The following PDCL2 variants were observed in gnomAD, a reference collection of about 807,000 sequenced individuals.
PDCL2 encodes the protein phosducin-like protein 2.
A neutral mutation model predicts 30.3 loss-of-function variants in PDCL2; 23 were observed. The observed-to-expected ratio is 0.76, with a 90% CI of 0.55 to 1.08. PDCL2 has a LOEUF of 1.08. Among genes scored for constraint, PDCL2 ranks in the 50% least tolerant of loss-of-function variants. The probability of loss-of-function intolerance (pLI) is 0.00; values close to 1 mark genes in which losing one functional copy is unlikely to be tolerated. For missense variants in PDCL2, 243 were observed against 282.3 expected (o/e 0.86, Z 1.00); for synonymous variants, 68 against 86.2 (o/e 0.79, Z 1.17).
intron 3 of PDCL2, among the ~76,000 whole-genome samples, chr4:55,572,285 C>CT (rs1732446365): frequency 2.0e-5 from 3 of 152,070 alleles, no homozygotes; most frequent in Admixed American, 1.3e-4. Flanking sequence ...GAATTAAATG[C>CT]TTTATCAACC....
intron 5 of PDCL2, among the ~76,000 whole-genome samples, chr4:55,558,791 T>C (rs1008024691): frequency 3.9e-5 from 6 of 152,220 alleles, no homozygotes; most frequent in African/African-American, 1.4e-4. Flanking sequence ...ATAACTTTTA[T>C]CTGACAATTG....
At chr4:55,590,196 C>CAAAAAAA (rs1221085369) in intron 1 of PDCL2, among the ~76,000 whole-genome samples, 2 of 37,094 alleles carry the variant, frequency 5.4e-5, no homozygotes, top group Admixed American at 5.1e-4. Context: ...GGCTCTGTCT[C>CAAAAAAA]AAAAAAAAAA....
At position 55,587,088 on chromosome 4, in the gene PDCL2, A is replaced by G. The variant is rs182596919; in HGVS notation, c.7-4851T>C. Among the ~76,000 whole-genome samples the G allele has an allele frequency of 3.3e-3, 496 of 152,002 alleles. 2 individuals are homozygous for G. The highest frequency in any genetic ancestry group is 0.011 in the African/African-American group (456 of 41,354). ...CACTGTTCTGGAGGCTGGGAAATCT[A>G]AGATTATGGCACTGTCAAGTTCATT... On this transcript the variant is annotated intron_variant, in intron 1 of 5. Transcript: ENST00000295645.
chr4:55,562,326 G>T, intron 5 of PDCL2, 78 bp downstream of exon 5: 1 of 993,680 alleles, frequency 1.0e-6, no homozygotes, highest in Non-Finnish European at 1.4e-6. Context: ...TGGTACTAAG[G>T]AAGTAAGCTT....
At chr4:55,559,997 C>T (rs1031312186) in intron 5 of PDCL2, among the ~76,000 whole-genome samples, 3 of 151,874 alleles carry the variant, frequency 2.0e-5, no homozygotes, top group African/African-American at 4.8e-5. Flanking sequence ...GAGTTTTTAA[C>T]GAGTACAGAG....
At chr4:55,581,007 C>T (rs1197889003) in intron 2 of PDCL2, 96 bp from the exon 3 acceptor site, 1 of 813,680 alleles carries the variant, frequency 1.2e-6, no homozygotes, top group East Asian at 3.0e-5. Context: ...CAAAGGAGAT[C>T]AACAGTATCT....
chr4:55,572,913 T>C (rs533599977), intron 3 of PDCL2, among the ~76,000 whole-genome samples: 2 of 152,144 alleles, frequency 1.3e-5, no homozygotes, highest in African/African-American at 2.4e-5. Context: ...GCGCCCGCCA[T>C]CACAACAGGC....
chr4:55,583,983 C>G lies in PDCL2; in HGVS notation c.7-1746G>C, dbSNP rs545922620. Among the ~76,000 whole-genome samples, 314 of 152,266 alleles carry G rather than the reference C, an allele frequency of 2.1e-3. 1 individual carries two copies. Among genetic ancestry groups the G allele is most frequent in the Non-Finnish European group, 3.9e-3 (263 of 68,016 alleles). ...CTTGATAAGGACTATATGGAATCTACAGATTGCTTTGGGTAATATGAACAC... is the reference window on the plus strand; with the variant it reads ...CTTGATAAGGACTATATGGAATCTAGAGATTGCTTTGGGTAATATGAACAC... On this transcript the variant is annotated intron_variant, in intron 1 of 5. Coordinates refer to ENST00000295645, the MANE Select transcript of PDCL2 (RefSeq NM_152401.3).
At chr4:55,567,868 T>C (rs893704352) in intron 4 of PDCL2, among the ~76,000 whole-genome samples, 7 of 152,204 alleles carry the variant, frequency 4.6e-5, no homozygotes, top group African/African-American at 1.7e-4. Flanking sequence ...TTGGCTCAAG[T>C]AAACTCTTTA....
At chr4:55,573,009 C>T (rs1297792219) in intron 3 of PDCL2, among the ~76,000 whole-genome samples, 4 of 152,120 alleles carry the variant, frequency 2.6e-5, no homozygotes, top group East Asian at 1.9e-4. Flanking sequence ...CTGCCCACCT[C>T]GGCCTCCCAA....
intron 5 of PDCL2, among the ~76,000 whole-genome samples, chr4:55,561,437 C>T (rs147044595): frequency 0.038 from 5,849 of 152,090 alleles, 164 homozygotes; most frequent in South Asian, 0.15. Context: ...GTGGTGGCCA[C>T]CTGTAATCCC....
chr4:55,572,597 A>C (rs971246863), intron 3 of PDCL2, among the ~76,000 whole-genome samples: 4 of 152,198 alleles, frequency 2.6e-5, no homozygotes, highest in Admixed American at 6.5e-5. Context: ...TCATATCCCA[A>C]ACCTCAGCAT....
At chr4:55,572,869 C>G (rs775620607) in intron 3 of PDCL2, among the ~76,000 whole-genome samples, 1 of 152,140 alleles carries the variant, frequency 6.6e-6, no homozygotes, top group African/African-American at 2.4e-5. Flanking sequence ...ACGCCATTCT[C>G]CTGCCTCAGC....
Position 55,569,730 on chromosome 4 carries a change from A to G in PDCL2, c.350T>C (p.Leu117Pro), listed in dbSNP as rs374617081. 34 of 1,550,382 alleles carry G rather than the reference A, an allele frequency of 2.2e-5. No individual in the cohort carries two copies. The highest frequency in any genetic ancestry group is 2.9e-5 in the Non-Finnish European group (33 of 1,146,876). ...TTATGGTAATTACCTTGATCTGTATAGATGAATTATAACCCACACATCTTC... is the reference window on the plus strand; with the variant it reads ...TTATGGTAATTACCTTGATCTGTATGGATGAATTATAACCCACACATCTTC... ...AEEDVWVIIH[L>P]YRSSIPMCLL... The change falls in exon 4 of 6, where the codon CTA becomes CCA. Residue 117 changes from leucine (L) to proline (P), a missense_variant. By Grantham distance (98) the Leu-to-Pro change is moderately conservative. Coordinates refer to ENST00000295645, the MANE Select transcript of PDCL2 (RefSeq NM_152401.3).
At chr4:55,563,091 G>C (rs902889196) in intron 4 of PDCL2, among the ~76,000 whole-genome samples, 1 of 152,118 alleles carries the variant, frequency 6.6e-6, no homozygotes, top group Non-Finnish European at 1.5e-5. Context: ...CCCACTCCAT[G>C]CCACATCCTG....
intron 4 of PDCL2, among the ~76,000 whole-genome samples, chr4:55,564,069 C>A (rs1017534285): frequency 5.9e-5 from 9 of 152,168 alleles, no homozygotes; most frequent in Admixed American, 5.2e-4. Flanking sequence ...TCTCTGAACA[C>A]CCATCTCAAA....
At chr4:55,584,722 CT>C (rs1037427649) in intron 1 of PDCL2, among the ~76,000 whole-genome samples, 1 of 152,050 alleles carries the variant, frequency 6.6e-6, no homozygotes, top group African/African-American at 2.4e-5. Flanking sequence ...GTTTGGATGC[CT>C]TTTATTTATT....
chr4:55,573,008 T>A (rs1460573570), intron 3 of PDCL2, among the ~76,000 whole-genome samples: 1 of 152,134 alleles, frequency 6.6e-6, no homozygotes, highest in East Asian at 1.9e-4. Flanking sequence ...TCTGCCCACC[T>A]CGGCCTCCCA....
In PDCL2 at chr4:55,590,196, CAAAAAAAAA is replaced by C. The variant is rs1221085369; in HGVS notation, c.6+1899_6+1907del. ...TGGATGACAGAGCTAGGCTCTGTCT[CAAAAAAAAA>C]AAAAAAAAAAAAAAAAGAGTAAGGT... On this transcript the variant is annotated intron_variant, in intron 1 of 5. Transcript: ENST00000295645. Among the ~76,000 whole-genome samples the C allele has an allele frequency of 5.0e-3, 186 of 37,094 alleles. 1 individual carries two copies. The Middle Eastern group carries it at 0.094, about 19-fold the overall frequency. 24.3% of individuals were successfully genotyped at this position (37,094 alleles called of 152,430 possible).
Sources: gnomAD v4.1 joint callset for allele counts (sites outside exome capture counted in the v4.1 genomes callset) on GRCh38, gnomAD v4.1.1 for gene constraint, MANE v1.5 for transcripts, NCBI Gene and HGNC (gene_info 2026-07-23, HGNC 2026-07-21) for gene names.